CBX6: variants seen among roughly 807,000 people sequenced by gnomAD.
The protein encoded by CBX6 is chromobox protein homolog 6.
In CBX6, 7 loss-of-function variants were observed where a neutral mutation model predicts 28.4. That is an observed-to-expected ratio of 0.25 (90% confidence interval 0.14 to 0.46). The LOEUF is 0.46. Ranked by LOEUF, CBX6 falls within the 20% of genes least tolerant of loss-of-function variation. CBX6 has a pLI of 0.99. For missense variants in CBX6, 512 were observed against 606.1 expected, an observed-to-expected ratio of 0.84 and a Z score of 1.63; for synonymous variants, 297 against 273.4, an observed-to-expected ratio of 1.09 and a Z score of -0.85.
At chr22:38,867,464 C>T (rs548473512) in intron 4 of CBX6, among the ~76,000 whole-genome samples, 25 of 152,204 alleles carry the variant, frequency 1.6e-4, no homozygotes, top group Admixed American at 4.6e-4. Flanking sequence ...TATCACCCAC[C>T]ACCTCTGTTA....
intron 4 of CBX6, among the ~76,000 whole-genome samples, chr22:38,867,905 T>C (rs1318379573): frequency 6.6e-6 from 1 of 152,152 alleles, no homozygotes; most frequent in Non-Finnish European, 1.5e-5. Flanking sequence ...CGGTCAGACG[T>C]GAGTTTGGTG....
At position 38,867,042 on chromosome 22, in the gene CBX6, G is replaced by T. The variant is rs1415829564; in HGVS notation, c.406C>A (p.Arg136Ser). Reference protein sequence around the residue: ...CHRMSRRPLPRPDPQGGSPGL... With the variant: ...CHRMSRRPLPSPDPQGGSPGL... The stretch of plus-strand genomic sequence containing the variant: ...GGGCTGCCCCCCTGCGGGTCCGGGC[G>T]GGGCAGGGGACGGCGGGACATACGG... The change falls in exon 5 of 5, where the codon CGC becomes AGC. Residue 136 changes from arginine (R) to serine (S), a missense_variant. Physicochemically the swap from Arg to Ser is moderately radical, Grantham distance 110 (BLOSUM62 -1). Transcript: ENST00000407418. 2 of 1,605,674 alleles carry T rather than the reference G, an allele frequency of 1.2e-6. No individual in the cohort carries two copies. The highest frequency in any genetic ancestry group is 2.2e-5 in the East Asian group (1 of 44,656).
Position 38,866,725 on chromosome 22 carries a change from G to C in CBX6, c.723C>G (p.Pro241=), listed in dbSNP as rs201157160. 46 of 1,589,864 alleles carry C rather than the reference G, an allele frequency of 2.9e-5. No homozygotes were observed. The highest frequency in any genetic ancestry group is 2.2e-4 in the East Asian group (10 of 44,490). Residue 241 remains proline (P), a synonymous_variant, in exon 5 of 5, where the codon CCC becomes CCG. Transcript: ENST00000407418. The surrounding 1 kb of genome is among the most constrained non-coding windows in gnomAD (Gnocchi z 7.5). The part of the protein sequence containing the change: ...AFALYKPPPA[P]LVAPSPGKAE... ...CCTTGCCGGGGGACGGGGCTACCAG[G>C]GGGGCGGGCGGAGGCTTGTACAGCG...
At position 38,866,930 on chromosome 22, in the gene CBX6, C is replaced by A; in HGVS notation, c.518G>T (p.Arg173Leu). The A allele has an allele frequency of 6.2e-7, 1 of 1,606,630 alleles. No individual in the cohort carries two copies. The highest frequency in any genetic ancestry group is 8.5e-7 in the Non-Finnish European group (1 of 1,177,014). Residue 173 changes from arginine (R) to leucine (L), a missense_variant, in exon 5 of 5, where the codon CGC becomes CTC. Around this residue, in one of 7 missense-constraint regions of CBX6, gnomAD observed 9 missense variants for 26.6 expected, o/e 0.34. Coordinates refer to ENST00000407418, the MANE Select transcript of CBX6 (RefSeq NM_014292.5). This position sits in a 1 kb window ranked among gnomAD's most constrained non-coding sequence, Gnocchi z 7.5. ...KVKPREPKRN[R>L]IILNLKVIDK... ...GATCACCTTCAGGTTCAGGATGATG[C>A]GGTTCCGCTTGGGCTCCCGCGGCTT...
In CBX6 at chr22:38,872,176, T is replaced by G. The variant is rs770476621; in HGVS notation, c.15A>C (p.Ala5=). Residue 5 remains alanine, a synonymous_variant, in exon 1 of 5, where the codon GCA becomes GCC. Coordinates refer to ENST00000407418, the MANE Select transcript of CBX6 (RefSeq NM_014292.5). The surrounding 1 kb of genome is among the most constrained non-coding windows in gnomAD (Gnocchi z 5.0). MELS[A]VGERVFAAES... ...CGGCCGCGAAGACCCGCTCGCCCACTGCAGACAGCTCCATCTTGCTCAGCG... is the reference window on the plus strand; with the variant it reads ...CGGCCGCGAAGACCCGCTCGCCCACGGCAGACAGCTCCATCTTGCTCAGCG... 7.1e-7 allele frequency: 1 copy of G among 1,415,740 alleles called. No homozygotes were observed. The highest frequency in any genetic ancestry group is 9.4e-7 in the Non-Finnish European group (1 of 1,067,172). The allele number at this position is 1,415,740 out of a possible 1,614,324, so 87.7% of individuals were successfully genotyped here. A position where few individuals can be genotyped will look rare whatever the true frequency, so the allele number is the denominator to read the frequency against.
At position 38,866,079 on chromosome 22, in the gene CBX6, G is replaced by T; in HGVS notation, c.*130C>A. The stretch of plus-strand genomic sequence containing the variant: ...CCCCAACTACCCAGCCCCATCCCTG[G>T]GTCAACACCGAGCCATTTGAGACAA... On this transcript the variant is annotated 3_prime_UTR_variant, in exon 5 of 5. Coordinates refer to ENST00000407418, the MANE Select transcript of CBX6 (RefSeq NM_014292.5). This position sits in a 1 kb window ranked among gnomAD's most constrained non-coding sequence, Gnocchi z 7.5. 1.3e-6 allele frequency: 1 copy of T among 763,118 alleles called. No homozygotes were observed. Among genetic ancestry groups the T allele is most frequent in the Non-Finnish European group, 2.1e-6 (1 of 483,026 alleles). 47.3% of individuals were successfully genotyped at this position (763,118 alleles called of 1,614,324 possible). A position where few individuals can be genotyped will look rare whatever the true frequency, so the allele number is the denominator to read the frequency against.
Position 38,866,409 on chromosome 22 carries a change from C to T in CBX6, c.1039G>A (p.Ala347Thr), listed in dbSNP as rs143047836. 2.5e-5 allele frequency: 41 copies of T among 1,612,402 alleles called. No homozygotes were observed. The African/African-American group carries it at 4.5e-4, about 18-fold the overall frequency. ...GCCTCGGGCTCGGAGGAGGCACCGG[C>T]GGGCTCAGGGGCCGTGGGAGGTGCC... ...GPAPPTAPEP[A>T]GASSEPEAGD... The change falls in exon 5 of 5, where the codon GCC becomes ACC. Residue 347 changes from alanine (A) to threonine (T), a missense_variant. Physicochemically the swap from Ala to Thr is moderately conservative, Grantham distance 58. Coordinates refer to ENST00000407418, the MANE Select transcript of CBX6 (RefSeq NM_014292.5). The surrounding 1 kb of genome is among the most constrained non-coding windows in gnomAD (Gnocchi z 7.5).
At chr22:38,868,109 C>A (rs2093174796) in intron 4 of CBX6, among the ~76,000 whole-genome samples, 1 of 152,208 alleles carries the variant, frequency 6.6e-6, no homozygotes, top group African/African-American at 2.4e-5. Flanking sequence ...AGGTTCCGGT[C>A]CAACCCACCC....
rs1428237086 is a variant in CBX6 at position 38,866,503 on chromosome 22, C to T, written c.945G>A (p.Leu315=). 1 of 1,589,424 alleles carries T rather than the reference C, an allele frequency of 6.3e-7. No homozygotes were observed. The highest frequency in any genetic ancestry group is 1.3e-5 in the African/African-American group (1 of 74,720). ...TGGCTGCCGACTCGGGAGGGAGGGACAGGTCGAGCACCTCCGGCTCGCGCC... is the reference window on the plus strand; with the variant it reads ...TGGCTGCCGACTCGGGAGGGAGGGATAGGTCGAGCACCTCCGGCTCGCGCC... ...PSWREPEVLD[L]SLPPESAATS... is the part of the protein sequence containing the mutation. Residue 315 remains leucine, a synonymous_variant, in exon 5 of 5, where the codon CTG becomes CTA. Coordinates refer to ENST00000407418, the MANE Select transcript of CBX6 (RefSeq NM_014292.5). The surrounding 1 kb of genome is among the most constrained non-coding windows in gnomAD (Gnocchi z 7.5).
At position 38,866,386 on chromosome 22, in the gene CBX6, C is replaced by T. The variant is rs937961089; in HGVS notation, c.1062G>A (p.Glu354=). ...PEPAGASSEP[E]AGDWRPEMSP... is the part of the protein sequence containing the mutation. ...ACATCTCGGGGCGCCAGTCCCCAGC[C>T]TCGGGCTCGGAGGAGGCACCGGCGG... Residue 354 remains glutamate, a synonymous_variant, in exon 5 of 5, where the codon GAG becomes GAA. Transcript: ENST00000407418. This position sits in a 1 kb window ranked among gnomAD's most constrained non-coding sequence, Gnocchi z 7.5. 2.5e-6 allele frequency: 4 copies of T among 1,613,310 alleles called. No individual in the cohort carries two copies. Among genetic ancestry groups the T allele is most frequent in the Non-Finnish European group, 3.4e-6 (4 of 1,179,938 alleles).
chr22:38,871,206 C>T lies in CBX6; in HGVS notation c.246+274G>A. The T allele has an allele frequency of 3.6e-6, 2 of 548,188 alleles. No homozygotes were observed. The highest frequency in any genetic ancestry group is 6.5e-5 in the East Asian group (2 of 30,592). 34.0% of individuals were successfully genotyped at this position (548,188 alleles called of 1,614,324 possible). On this transcript the variant is annotated intron_variant, in intron 4 of 4. Coordinates refer to ENST00000407418, the MANE Select transcript of CBX6 (RefSeq NM_014292.5). This position sits in a 1 kb window ranked among gnomAD's most constrained non-coding sequence, Gnocchi z 5.6. ...CATCCCCCACCTGCCTCAGCCACCC[C>T]CTTTCCTGGAGCCCTAAAGGCATCC...
chr22:38,871,639 G>A lies in CBX6; in HGVS notation c.179+53C>T, dbSNP rs2093182585. 9.3e-6 allele frequency: 15 copies of A among 1,610,146 alleles called. No homozygotes were observed. In the Middle Eastern group the frequency reaches 1.9e-3, roughly 200 times the overall value. Reference sequence around the variant, plus strand: ...CGGCTCTCCCGCTTCCCCGCGCGGCGCCCCAGCCGAGCCTCGGCCTCGCAG... The same window carrying A: ...CGGCTCTCCCGCTTCCCCGCGCGGCACCCCAGCCGAGCCTCGGCCTCGCAG... On this transcript the variant is annotated intron_variant, in intron 3 of 4. Coordinates refer to ENST00000407418, the MANE Select transcript of CBX6 (RefSeq NM_014292.5). The surrounding 1 kb of genome is among the most constrained non-coding windows in gnomAD (Gnocchi z 5.6).
chr22:38,868,092 A>C (rs1276484813), intron 4 of CBX6, among the ~76,000 whole-genome samples: 1 of 152,224 alleles, frequency 6.6e-6, no homozygotes. Flanking sequence ...GGCTCTCAAG[A>C]GACCCCAGGT....
chr22:38,871,969 CGGGGGT>C lies in CBX6; in HGVS notation c.70-30_70-25del. On this transcript the variant is annotated intron_variant, in intron 1 of 4. Transcript: ENST00000407418. The surrounding 1 kb of genome is among the most constrained non-coding windows in gnomAD (Gnocchi z 5.6). The stretch of plus-strand genomic sequence containing the variant: ...CCCTGAAAAACAGAGGGGAGAAAAA[CGGGGGT>C]GGGGGTGGGGAGGATGCGGGGACGC... 1.5e-5 allele frequency: 20 copies of C among 1,355,152 alleles called. No homozygotes were observed. The highest frequency in any genetic ancestry group is 1.9e-5 in the Non-Finnish European group (19 of 988,520). 83.9% of individuals were successfully genotyped at this position (1,355,152 alleles called of 1,614,324 possible).
chr22:38,866,537 G>T lies in CBX6; in HGVS notation c.911C>A (p.Ala304Asp). The change falls in exon 5 of 5, where the codon GCC becomes GAC. Residue 304 changes from alanine (A) to aspartate (D), a missense_variant. By Grantham distance (126) the Ala-to-Asp change is moderately radical. Transcript: ENST00000407418. This position sits in a 1 kb window ranked among gnomAD's most constrained non-coding sequence, Gnocchi z 7.5. ...CACCTCCGGCTCGCGCCAGCTGGGG[G>T]CGGATGGGCTCACGGTCTCGGGGAG... ...KLLPETVSPS[A>D]PSWREPEVLD... 3.8e-6 allele frequency: 6 copies of T among 1,580,466 alleles called. No individual in the cohort carries two copies. The highest frequency in any genetic ancestry group is 1.1e-5 in the South Asian group (1 of 89,194).
rs866003559 is a variant in CBX6 at position 38,871,242 on chromosome 22, G to A, written c.246+238C>T. On this transcript the variant is annotated intron_variant, in intron 4 of 4. Coordinates refer to ENST00000407418, the MANE Select transcript of CBX6 (RefSeq NM_014292.5). The surrounding 1 kb of genome is among the most constrained non-coding windows in gnomAD (Gnocchi z 5.6). ...GCCCTAAAGGCATCCCCAGCCCCTG[G>A]TTTCAACAGGGAGGATTATCCCCAG... 1.0e-5 allele frequency: 6 copies of A among 592,184 alleles called. No homozygotes were observed. Among genetic ancestry groups the A allele is most frequent in the Middle Eastern group, 4.4e-4 (1 of 2,268 alleles). 36.7% of individuals were successfully genotyped at this position (592,184 alleles called of 1,614,324 possible).
Position 38,871,909 on chromosome 22 carries a change from C to A in CBX6, c.106G>T (p.Ala36Ser). The A allele has an allele frequency of 6.5e-7, 1 of 1,543,802 alleles. No homozygotes were observed. Among genetic ancestry groups the A allele is most frequent in the Non-Finnish European group, 8.7e-7 (1 of 1,143,916 alleles). The change falls in exon 2 of 5, where the codon GCG (alanine) becomes TCG (serine). Residue 36 changes from alanine to serine, a missense_variant. By Grantham distance (99) the Ala-to-Ser change is moderately conservative. Coordinates refer to ENST00000407418, the MANE Select transcript of CBX6 (RefSeq NM_014292.5). The surrounding 1 kb of genome is among the most constrained non-coding windows in gnomAD (Gnocchi z 5.6). The part of the protein sequence containing the change: ...IEYLVKWKGW[A>S]IKYSTWEPEE... ...GGACCCCGCGACACTCACTTGATCG[C>A]CCACCCCTTCCATTTCACCAGGTAC... is the stretch of plus-strand genomic sequence containing the variant.
rs759094427 is a variant in CBX6, at chr22:38,866,878, G to A, written c.570C>T (p.Ala190=). The A allele has an allele frequency of 1.8e-5, 28 of 1,599,294 alleles. No homozygotes were observed. The highest frequency in any genetic ancestry group is 6.7e-5 in the East Asian group (3 of 44,694). ...VIDKGAGGGG[A]GQGAGALARP... ...GGGCCAGCGCCCCGGCCCCCTGCCC[G>A]GCGCCCCCGCCGCCAGCGCCCTTGT... The change falls in exon 5 of 5, where the codon GCC becomes GCT. Residue 190 remains alanine, a synonymous_variant. Coordinates refer to ENST00000407418, the MANE Select transcript of CBX6 (RefSeq NM_014292.5). The surrounding 1 kb of genome is among the most constrained non-coding windows in gnomAD (Gnocchi z 7.5).
At chr22:38,867,228 G>A (rs1486789966) in intron 4 of CBX6, 27 bp from the exon 5 acceptor site, 37 of 518,698 alleles carry the variant, frequency 7.1e-5, no homozygotes, top group Non-Finnish European at 1.1e-4. Flanking sequence ...GGGTGGGTGG[G>A]ACCTCAGGAC....
Sources: gnomAD v4.1 joint callset for allele counts (sites outside exome capture counted in the v4.1 genomes callset) on GRCh38, gnomAD v4.1.1 for gene constraint, gnomAD v4.1.1 regional missense constraint, Gnocchi (gnomAD v3.1) non-coding constraint, MANE v1.5 for transcripts, NCBI Gene and HGNC (gene_info 2026-07-23, HGNC 2026-07-21) for gene names.